DENND2B: variants seen among roughly 807,000 people sequenced by gnomAD.
DENND2B encodes DENN domain-containing protein 2B.
A neutral mutation model predicts 116.0 loss-of-function variants in DENND2B; 32 were observed. The observed-to-expected ratio is 0.28, with a 90% confidence interval of 0.21 to 0.37. The LOEUF is 0.37. Ranked by LOEUF, DENND2B falls within the 10% of genes least tolerant of loss-of-function variation. The pLI, the probability that DENND2B is intolerant of heterozygous loss-of-function variation, is 1.00. For missense variants in DENND2B, 1,276 were observed against 1,477.7 expected (o/e 0.86, Z 2.24); for synonymous variants, 588 against 583.9 (o/e 1.01, Z -0.10).
upstream of DENND2B, among the ~76,000 whole-genome samples, chr11:8,874,968 G>A (rs2063826848): frequency 6.6e-6 from 1 of 151,894 alleles, no homozygotes; most frequent in South Asian, 2.1e-4. Flanking sequence ...TATGCTTCAT[G>A]ATCCAAACAA....
chr11:8,900,598 CA>C (rs546601662), intron 1 of DENND2B, among the ~76,000 whole-genome samples: 419 of 129,366 alleles, frequency 3.2e-3, no homozygotes, highest in Middle Eastern at 4.0e-3. Flanking sequence ...GACCCTGTCT[CA>C]AAAAAAAAAA....
At chr11:8,751,296 A>G (rs998186964) in intron 1 of DENND2B, among the ~76,000 whole-genome samples, 3 of 152,200 alleles carry the variant, frequency 2.0e-5, no homozygotes, top group Admixed American at 6.5e-5. Flanking sequence ...AAAAAGGACC[A>G]ATCAGCTCTC....
rs56230708 is a variant in DENND2B at position 8,710,753 on chromosome 11, G to GCACACACA, written c.2352+84_2352+91dup. ...TCATACAAGCTAAAATTGCAGAAGG[G>GCACACACA]CACACACACACACACACACACACAC... On this transcript the variant is annotated intron_variant, in intron 11 of 19. Transcript: ENST00000313726. The GCACACACA allele has an allele frequency of 8.2e-3, 6,774 of 829,874 alleles. 23 individuals are homozygous for GCACACACA. The highest frequency in any genetic ancestry group is 0.024 in the East Asian group (914 of 37,620). 51.4% of individuals were successfully genotyped at this position (829,874 alleles called of 1,614,324 possible). A position where few individuals can be genotyped will look rare whatever the true frequency, so the allele number is the denominator to read the frequency against.
chr11:8,783,229 T>C (rs1056224078), intron 1 of DENND2B, among the ~76,000 whole-genome samples: 3 of 152,040 alleles, frequency 2.0e-5, no homozygotes, highest in Non-Finnish European at 4.4e-5. Flanking sequence ...AATTTTTTAC[T>C]TTTTTCTAGA....
At chr11:8,843,559 G>A (rs1460655530) in intron 3 of DENND2B, among the ~76,000 whole-genome samples, 2 of 152,190 alleles carry the variant, frequency 1.3e-5, no homozygotes, top group African/African-American at 2.4e-5. Context: ...CCCTTCAGGG[G>A]TCATTCTTGG....
chr11:8,718,131 C>T (rs1196237661), intron 4 of DENND2B: 21 of 496,250 alleles, frequency 4.2e-5, no homozygotes, highest in Non-Finnish European at 7.3e-5. Context: ...ACCCCCAGCC[C>T]AGCTCAGCCT....
chr11:8,773,973 A>C (rs1484347007), intron 1 of DENND2B: 1 of 317,286 alleles, frequency 3.2e-6, no homozygotes, highest in African/African-American at 2.2e-5. Flanking sequence ...TTTGGGTATG[A>C]AACTCTGCCT....
intron 1 of DENND2B, among the ~76,000 whole-genome samples, chr11:8,773,807 A>G (rs2057271798): frequency 6.6e-6 from 1 of 152,192 alleles, no homozygotes; most frequent in Non-Finnish European, 1.5e-5. Flanking sequence ...GGAAAAAAAA[A>G]ATTAATGGCT....
rs139135352 is a variant in DENND2B, at chr11:8,723,742, C to T, written c.1477+2331G>A. On this transcript the variant is annotated intron_variant, in intron 4 of 19. Coordinates refer to ENST00000313726, the MANE Select transcript of DENND2B (RefSeq NM_213618.2). ...CTCTGCTCTGGGTGGCCTATAGGTA[C>T]AAAGCTGTCTTTTCCCCAGTGGTAA... is the stretch of plus-strand genomic sequence containing the variant. Among the ~76,000 whole-genome samples, 559 of 152,298 alleles carry T rather than the reference C, an allele frequency of 3.7e-3. 4 individuals carry two copies. Among genetic ancestry groups the T allele is most frequent in the African/African-American group, 0.013 (544 of 41,556 alleles).
At chr11:8,871,638 TGCA>T (rs1274534564), upstream of DENND2B, among the ~76,000 whole-genome samples, 1 of 152,206 alleles carries the variant, frequency 6.6e-6, no homozygotes, top group Non-Finnish European at 1.5e-5. Context: ...CTTTTGGTAC[TGCA>T]GCAGCAGCAG....
At chr11:8,837,970 C>T (rs1345685851) in intron 4 of DENND2B, among the ~76,000 whole-genome samples, 1 of 152,192 alleles carries the variant, frequency 6.6e-6, no homozygotes, top group Non-Finnish European at 1.5e-5. Context: ...AAGGCTAAGC[C>T]TCCCACATCC....
At chr11:8,804,095 G>A (rs1297647546) in intron 1 of DENND2B, among the ~76,000 whole-genome samples, 1 of 152,232 alleles carries the variant, frequency 6.6e-6, no homozygotes, top group African/African-American at 2.4e-5. Flanking sequence ...AGCTGAACCT[G>A]TGAAGCTGGG....
chr11:8,774,184 T>A, intron 1 of DENND2B: 1 of 985,504 alleles, frequency 1.0e-6, no homozygotes. Context: ...GCCTTCACGT[T>A]GGGTTCTTGA....
chr11:8,765,691 A>T (rs1338228098), intron 1 of DENND2B, among the ~76,000 whole-genome samples: 2 of 151,068 alleles, frequency 1.3e-5, no homozygotes, highest in Non-Finnish European at 2.9e-5. Flanking sequence ...TTCTTGTATC[A>T]TTTTTTTTTC....
intron 1 of DENND2B, among the ~76,000 whole-genome samples, chr11:8,771,262 G>C (rs1467000370): frequency 6.6e-6 from 1 of 152,224 alleles, no homozygotes; most frequent in East Asian, 1.9e-4. Context: ...CAACTAGAGT[G>C]CTCTCAGCAG....
chr11:8,895,707 T>G (rs1406694041), intron 1 of DENND2B: 1 of 152,222 alleles, frequency 6.6e-6, no homozygotes, highest in East Asian at 1.9e-4. Flanking sequence ...TTAATACCAC[T>G]GAAGTATACA....
At chr11:8,870,528 C>T (rs2063744004) in intron 2 of DENND2B, among the ~76,000 whole-genome samples, 2 of 151,646 alleles carry the variant, frequency 1.3e-5, no homozygotes, top group African/African-American at 4.9e-5. Flanking sequence ...TGTGTGTGCG[C>T]GCGCGCGCGC....
chr11:8,818,262 C>CTAATAATAA (rs58590869), intron 4 of DENND2B, among the ~76,000 whole-genome samples: 27 of 145,946 alleles, frequency 1.8e-4, no homozygotes, highest in South Asian at 1.6e-3. Flanking sequence ...GACTCTGTCT[C>CTAATAATAA]TAATAATAAT....
At chr11:8,816,701 G>A (rs1335000920) in intron 4 of DENND2B, among the ~76,000 whole-genome samples, 1 of 152,216 alleles carries the variant, frequency 6.6e-6, no homozygotes, top group Non-Finnish European at 1.5e-5. Context: ...CAAGAGGGAA[G>A]CTTTTAAAAT....
Sources: gnomAD v4.1 joint callset for allele counts (sites outside exome capture counted in the v4.1 genomes callset) on GRCh38, gnomAD v4.1.1 for gene constraint, MANE v1.5 for transcripts, NCBI Gene and HGNC (gene_info 2026-07-23, HGNC 2026-07-21) for gene names.